The following SEMA3E variants were observed in gnomAD, a reference collection of about 807,000 sequenced individuals.
SEMA3E encodes semaphorin-3E.
In SEMA3E, 49 loss-of-function variants were observed where a neutral mutation model predicts 93.6. The observed-to-expected ratio is 0.52, with a 90% CI of 0.42 to 0.66. The LOEUF (loss-of-function observed/expected upper bound fraction) is 0.66, where lower values mean the gene tolerates loss of function less well. Ranked by LOEUF, SEMA3E falls within the 30% of genes least tolerant of loss-of-function variation. SEMA3E has a pLI of 0.00. For synonymous variants in SEMA3E, 363 were observed against 330.7 expected, an observed-to-expected ratio of 1.10 and a Z score of -1.06; for missense variants, 906 against 964.8, an observed-to-expected ratio of 0.94 and a Z score of 0.81.
chr7:83,525,934 A>T (rs1791149636), intron 1 of SEMA3E, among the ~76,000 whole-genome samples: 1 of 151,652 alleles, frequency 6.6e-6, no homozygotes. Flanking sequence ...AAGCTTTGCT[A>T]TAGAAAGGGT....
intron 1 of SEMA3E, among the ~76,000 whole-genome samples, chr7:83,554,030 C>A (rs1228122747): frequency 1.3e-5 from 2 of 151,954 alleles, no homozygotes; most frequent in African/African-American, 4.8e-5. Context: ...GCCCATTTAT[C>A]TGAAGTATTT....
At chr7:83,454,636 A>T in intron 4 of SEMA3E, among the ~76,000 whole-genome samples, 1 of 152,278 alleles carries the variant, frequency 6.6e-6, no homozygotes, top group Non-Finnish European at 1.5e-5. Context: ...AGAAACAAAT[A>T]TTTATAAAAT....
At chr7:83,405,541 C>T in intron 8 of SEMA3E, 22 bp from the exon 9 acceptor site, 1 of 1,601,088 alleles carries the variant, frequency 6.2e-7, no homozygotes, top group Non-Finnish European at 8.6e-7. Flanking sequence ...AAGGCCATTC[C>T]ATCGCTTAGT....
rs749481563 is a variant in SEMA3E at position 83,446,373 on chromosome 7, CAA to C, written c.456+20107_456+20108del. Among the ~76,000 whole-genome samples, 305 of 152,226 alleles carry C rather than the reference CAA, an allele frequency of 2.0e-3. 1 individual carries two copies. Among genetic ancestry groups the C allele is most frequent in the Admixed American group, 4.4e-3 (67 of 15,286 alleles). On this transcript the variant is annotated intron_variant, in intron 4 of 16. Coordinates refer to ENST00000643230, the MANE Select transcript of SEMA3E (RefSeq NM_012431.3). ...CAGTTTCAAACAGCAGTGGAGAAAA[CAA>C]AAGTTTCAACAGAACCAAGGCCAAT...
At chr7:83,452,952 A>G (rs1281279900) in intron 4 of SEMA3E, among the ~76,000 whole-genome samples, 1 of 152,216 alleles carries the variant, frequency 6.6e-6, no homozygotes, top group Non-Finnish European at 1.5e-5. Context: ...AGAAAATGGC[A>G]TACTCCAATG....
intron 1 of SEMA3E, among the ~76,000 whole-genome samples, chr7:83,519,165 C>T (rs142390050): frequency 0.011 from 1,687 of 151,048 alleles, 29 homozygotes; most frequent in African/African-American, 0.039. Flanking sequence ...TGTTCCCCTT[C>T]CTGTGTCCAT....
At chr7:83,597,696 A>G (rs907193288) in intron 1 of SEMA3E, among the ~76,000 whole-genome samples, 13 of 152,170 alleles carry the variant, frequency 8.5e-5, no homozygotes, top group Non-Finnish European at 1.8e-4. Context: ...TAGCACAACT[A>G]TACTTGTCTT....
intron 4 of SEMA3E, among the ~76,000 whole-genome samples, chr7:83,433,430 C>G (rs543991895): frequency 1.3e-5 from 2 of 152,194 alleles, no homozygotes; most frequent in East Asian, 3.9e-4. Context: ...CCCAGATTTA[C>G]TAACCGAAAT....
At chr7:83,526,587 A>T (rs1791165386) in intron 1 of SEMA3E, among the ~76,000 whole-genome samples, 1 of 151,976 alleles carries the variant, frequency 6.6e-6, no homozygotes, top group Admixed American at 6.6e-5. Flanking sequence ...GAACAAATCA[A>T]GTTTTTTCTT....
At chr7:83,495,640 CTA>C (rs1790476775) in intron 1 of SEMA3E, among the ~76,000 whole-genome samples, 1 of 151,614 alleles carries the variant, frequency 6.6e-6, no homozygotes, top group African/African-American at 2.4e-5. Context: ...TTGAAAAAAA[CTA>C]TTTTAAAGAA....
chr7:83,554,877 A>T (rs215259), intron 1 of SEMA3E, among the ~76,000 whole-genome samples: 87,229 of 151,742 alleles, frequency 0.57, 26,856 homozygotes, highest in African/African-American at 0.8. Flanking sequence ...CTAGGGAGGT[A>T]GAGGCAGGAG....
Position 83,613,165 on chromosome 7 carries a change from C to T in SEMA3E, c.115+35263G>A, listed in dbSNP as rs376748221. On this transcript the variant is annotated intron_variant, in intron 1 of 16. Transcript: ENST00000643230. ...TTCTATTCGTATTTGAAAAAGCATC[C>T]TATCACAACTACTCTATAGTCCGAA... 1.4e-4 allele frequency among the ~76,000 whole-genome samples: 21 copies of T among 152,092 alleles called. No individual in the cohort carries two copies. In the South Asian group the frequency reaches 3.7e-3, roughly 27 times the overall value.
chr7:83,488,736 G>A (rs1790319348), intron 2 of SEMA3E, among the ~76,000 whole-genome samples: 1 of 152,080 alleles, frequency 6.6e-6, no homozygotes, highest in African/African-American at 2.4e-5. Flanking sequence ...CTGAGAGAAT[G>A]CTCCAGGTGA....
intron 2 of SEMA3E, among the ~76,000 whole-genome samples, chr7:83,471,081 C>T (rs1309668960): frequency 2.0e-5 from 3 of 151,720 alleles, no homozygotes; most frequent in Admixed American, 1.3e-4. Flanking sequence ...AAATCCAATA[C>T]TTGAACAGTT....
intron 1 of SEMA3E, among the ~76,000 whole-genome samples, chr7:83,639,059 C>T (rs1315444578): frequency 1.5e-5 from 2 of 137,802 alleles, no homozygotes; most frequent in Admixed American, 8.0e-5. Flanking sequence ...TGCAGTGAGC[C>T]GAGATCCCGC....
intron 1 of SEMA3E, among the ~76,000 whole-genome samples, chr7:83,631,080 G>T (rs1467687843): frequency 6.6e-6 from 1 of 151,850 alleles, no homozygotes; most frequent in East Asian, 1.9e-4. Context: ...CAGCTATGAT[G>T]GTATTTTAAT....
rs577654935 is a variant in SEMA3E at position 83,603,846 on chromosome 7, G to T, written c.115+44582C>A. Among the ~76,000 whole-genome samples, 3 of 152,242 alleles carry T rather than the reference G, an allele frequency of 2.0e-5. No individual in the cohort carries two copies. In the South Asian group the frequency reaches 6.2e-4, roughly 31 times the overall value. On this transcript the variant is annotated intron_variant, in intron 1 of 16. Transcript: ENST00000643230. ...CAACACAACAGTACTTGTAACAAGT[G>T]CTTATACAAGCATTTGCATACTTTT...
intron 2 of SEMA3E, among the ~76,000 whole-genome samples, chr7:83,484,947 T>A (rs1408550302): frequency 2.0e-5 from 3 of 151,978 alleles, no homozygotes; most frequent in Admixed American, 1.3e-4. Flanking sequence ...ACAGAGTAAG[T>A]GTGAGAGAGT....
intron 14 of SEMA3E, among the ~76,000 whole-genome samples, chr7:83,391,896 T>A (rs73707817): frequency 1.7e-3 from 259 of 152,272 alleles, no homozygotes; most frequent in African/African-American, 6.0e-3. Flanking sequence ...AACTGCTTAT[T>A]CTGTAAGAAA....
Sources: allele counts gnomAD v4.1 joint callset (sites outside exome capture counted in the v4.1 genomes callset), GRCh38; gene constraint gnomAD v4.1.1; transcripts MANE v1.5; gene names NCBI Gene and HGNC (gene_info 2026-07-23, HGNC 2026-07-21).